Variants in INO80D observed in about 807,000 individuals in gnomAD.
The protein encoded by INO80D is INO80 complex subunit D.
INO80D carries 21 observed loss-of-function variants against 87.6 expected under a neutral mutation model. That is an observed-to-expected ratio of 0.24 (90% CI 0.17 to 0.35). The LOEUF (loss-of-function observed/expected upper bound fraction) is 0.35. Among genes scored for constraint, INO80D ranks in the 10% least tolerant of loss-of-function variants. INO80D has a pLI of 1.00. For missense variants in INO80D, 982 were observed against 1,280.7 expected, an observed-to-expected ratio of 0.77 and a Z score of 3.56; for synonymous variants, 440 against 491.0, an observed-to-expected ratio of 0.90 and a Z score of 1.37.
At chr2:206,080,684 GA>G (rs1690252560) in intron 1 of INO80D, among the ~76,000 whole-genome samples, 1 of 151,954 alleles carries the variant, frequency 6.6e-6, no homozygotes, top group African/African-American at 2.4e-5. Context: ...AAGGCGGGCG[GA>G]TCACGAGGTC....
intron 6 of INO80D, among the ~76,000 whole-genome samples, chr2:206,020,505 C>A (rs980604874): frequency 6.6e-6 from 1 of 152,158 alleles, no homozygotes; most frequent in Non-Finnish European, 1.5e-5. Flanking sequence ...GATACTGATA[C>A]GCAGAAATGG....
At chr2:206,011,078 C>CAAA (rs5838007) in intron 8 of INO80D, among the ~76,000 whole-genome samples, 1 of 95,676 alleles carries the variant, frequency 1.0e-5, no homozygotes. Flanking sequence ...AACTCAGTCT[C>CAAA]AAAAAAAAAA....
chr2:206,058,369 A>G (rs1047178367), intron 3 of INO80D, among the ~76,000 whole-genome samples: 7 of 143,538 alleles, frequency 4.9e-5, no homozygotes, highest in African/African-American at 1.8e-4. Context: ...CAGTGAGCCG[A>G]GATGGTGCCA....
chr2:206,055,803 T>G (rs1689501698), intron 4 of INO80D, among the ~76,000 whole-genome samples: 1 of 152,352 alleles, frequency 6.6e-6, no homozygotes, highest in South Asian at 2.1e-4. Context: ...ACTTTTTTTC[T>G]TGTCATTATT....
rs1414315883 is a variant in INO80D at position 206,008,973 on chromosome 2, G to T, written c.1760+604C>A. 2.0e-5 allele frequency among the ~76,000 whole-genome samples: 3 copies of T among 152,178 alleles called. No homozygotes were observed. In the South Asian group the frequency reaches 6.2e-4, roughly 31 times the overall value. ...TAAATAATGCCTCATATTTCTGATG[G>T]AATACTTCTGTTGGAACATATATGG... On this transcript the variant is annotated intron_variant, in intron 9 of 10. Transcript: ENST00000403263.
At chr2:206,070,447 G>A (rs371563719) in intron 1 of INO80D, among the ~76,000 whole-genome samples, 3 of 151,704 alleles carry the variant, frequency 2.0e-5, no homozygotes, top group East Asian at 1.9e-4. Context: ...AGAGCCAGGC[G>A]CGGTGGCTCA....
chr2:206,007,489 C>T, intron 9 of INO80D, 48 bp from the exon 10 acceptor site: 1 of 1,553,010 alleles, frequency 6.4e-7, no homozygotes, highest in African/African-American at 1.4e-5. Context: ...ATTATCTTCA[C>T]ATCAATACCA....
chr2:206,066,483 T>C (rs1322001808), intron 1 of INO80D, among the ~76,000 whole-genome samples: 2 of 152,064 alleles, frequency 1.3e-5, no homozygotes, highest in African/African-American at 4.8e-5. Flanking sequence ...ATATACACAA[T>C]GGAATACTAT....
chr2:206,017,864 AT>A, intron 7 of INO80D, 51 bp from the exon 8 acceptor site: 1 of 1,529,364 alleles, frequency 6.5e-7, no homozygotes, highest in East Asian at 2.3e-5. Context: ...TAATTTTTCA[AT>A]TTCTATATAA....
At chr2:206,010,924 A>C (rs1688157392) in intron 8 of INO80D, among the ~76,000 whole-genome samples, 1 of 152,044 alleles carries the variant, frequency 6.6e-6, no homozygotes, top group South Asian at 2.1e-4. Flanking sequence ...ATAAAAATAC[A>C]AAAATTAGCC....
At position 206,004,552 on chromosome 2, in the gene INO80D, G is replaced by A. The variant is rs1042349594; in HGVS notation, c.2900C>T (p.Ser967Phe). ...GAACTGAGGGAGTTGCTGCTTGGGA[G>A]AGGTGGAGGCCATTAGTTCAGCAGA... ...GPSAELMAST[S>F]PKQQLPQFSA... The change falls in exon 11 of 11, where the codon TCT (serine) becomes TTT (phenylalanine). Residue 967 changes from serine (S) to phenylalanine (F), a missense_variant. Physicochemically the swap from Ser to Phe is radical, Grantham distance 155. Transcript: ENST00000403263. This position sits in a 1 kb window ranked among gnomAD's most constrained non-coding sequence, Gnocchi z 4.9. 2 of 1,610,938 alleles carry A rather than the reference G, an allele frequency of 1.2e-6. No homozygotes were observed. Among genetic ancestry groups the A allele is most frequent in the Non-Finnish European group, 1.7e-6 (2 of 1,178,684 alleles).
chr2:206,022,887 T>C (rs1401447953), intron 6 of INO80D, among the ~76,000 whole-genome samples: 2 of 152,092 alleles, frequency 1.3e-5, no homozygotes, highest in African/African-American at 4.8e-5. Context: ...CCACCATGCC[T>C]GGCCAACGAA....
intron 8 of INO80D, among the ~76,000 whole-genome samples, chr2:206,012,074 A>G (rs1469734258): frequency 2.0e-5 from 3 of 152,118 alleles, no homozygotes; most frequent in African/African-American, 7.2e-5. Flanking sequence ...CAGTGGCAGG[A>G]GGATGTGATG....
At chr2:206,010,765 T>G (rs1442872297) in intron 8 of INO80D, among the ~76,000 whole-genome samples, 3 of 151,872 alleles carry the variant, frequency 2.0e-5, no homozygotes, top group Non-Finnish European at 4.4e-5. Flanking sequence ...ATACATAAAT[T>G]TAAAACAAAC....
chr2:206,029,926 A>G (rs893060881), intron 5 of INO80D, among the ~76,000 whole-genome samples: 1 of 152,238 alleles, frequency 6.6e-6, no homozygotes, highest in African/African-American at 2.4e-5. Context: ...TCTGACCACA[A>G]ATCAGAAAAA....
At chr2:206,044,467 G>C (rs1016687565) in intron 5 of INO80D, among the ~76,000 whole-genome samples, 2 of 125,318 alleles carry the variant, frequency 1.6e-5, no homozygotes, top group African/African-American at 5.9e-5. Flanking sequence ...CAAGAAGTAA[G>C]GATAAATACC....
rs1687994636 is a variant in INO80D at position 206,005,279 on chromosome 2, T to C, written c.2173A>G (p.Asn725Asp). ...TCATCCAGCTCTAGACTAGAAAAAT[T>C]ATCATGTACTATACGCCCATTCAAT... The part of the protein sequence containing the change: ...ELLNGRIVHD[N>D]FSSLELDENL... Residue 725 changes from asparagine to aspartate, a missense_variant, in exon 11 of 11, where the codon AAT becomes GAT. Physicochemically the swap from Asn to Asp is conservative, Grantham distance 23. Coordinates refer to ENST00000403263, the MANE Select transcript of INO80D (RefSeq NM_017759.5). 2 of 1,613,950 alleles carry C rather than the reference T, an allele frequency of 1.2e-6. No homozygotes were observed. The highest frequency in any genetic ancestry group is 1.7e-6 in the Non-Finnish European group (2 of 1,179,880).
intron 5 of INO80D, among the ~76,000 whole-genome samples, chr2:206,034,634 A>C (rs549427804): frequency 1.3e-5 from 2 of 150,962 alleles, no homozygotes; most frequent in Non-Finnish European, 3.0e-5. Context: ...CACAGCCAAC[A>C]TAATACTGAA....
chr2:206,082,339 C>G (rs1690308212), intron 1 of INO80D, among the ~76,000 whole-genome samples: 3 of 152,214 alleles, frequency 2.0e-5, no homozygotes, highest in Admixed American at 2.0e-4. Context: ...ATCTTAAAAA[C>G]AAATCACATT....
Sources: gnomAD v4.1 joint callset for allele counts (sites outside exome capture counted in the v4.1 genomes callset) on GRCh38, gnomAD v4.1.1 for gene constraint, Gnocchi (gnomAD v3.1) non-coding constraint, MANE v1.5 for transcripts, NCBI Gene and HGNC (gene_info 2026-07-23, HGNC 2026-07-21) for gene names.